Variants in EHMT1 observed in about 807,000 individuals in gnomAD.
EHMT1 encodes histone-lysine N-methyltransferase EHMT1.
Under a neutral mutation model 147.2 loss-of-function variants are expected in EHMT1, and 15 were observed. The ratio of observed to expected loss-of-function variants is 0.10; its 90% CI spans 0.07 to 0.16. The LOEUF (loss-of-function observed/expected upper bound fraction) is 0.16, where lower values mean the gene tolerates loss of function less well. Ranked by LOEUF, EHMT1 falls within the 10% of genes least tolerant of loss-of-function variation. The probability of loss-of-function intolerance (pLI) is 1.00; values close to 1 mark genes in which losing one functional copy is unlikely to be tolerated. For missense variants in EHMT1, 1,587 were observed against 1,772.4 expected, an observed-to-expected ratio of 0.90 and a Z score of 1.88; for synonymous variants, 795 against 709.6, an observed-to-expected ratio of 1.12 and a Z score of -1.91.
At chr9:137,772,819 G>A (rs4979648) in intron 10 of EHMT1, among the ~76,000 whole-genome samples, 51,251 of 152,096 alleles carry the variant, frequency 0.34, 8,958 homozygotes, top group Admixed American at 0.43. Flanking sequence ...GGCCACCCCA[G>A]TGCATCTGTG....
chr9:137,684,182 GC>G (rs1269032906), intron 1 of EHMT1, among the ~76,000 whole-genome samples: 2 of 151,896 alleles, frequency 1.3e-5, no homozygotes, highest in Non-Finnish European at 2.9e-5. Flanking sequence ...ACAGGAGCAT[GC>G]CACCACGCCT....
chr9:137,811,694 G>A lies in EHMT1; in HGVS notation c.2867+79G>A. 3.8e-6 allele frequency: 6 copies of A among 1,583,688 alleles called. No homozygotes were observed. The South Asian group carries it at 6.7e-5, about 18-fold the overall frequency. ...CAGAGAGACCGCTTGACAGTCTTGT[G>A]TTCACACTTGGGGCGTGAGTGGACA... On this transcript the variant is annotated intron_variant, in intron 19 of 26. Coordinates refer to ENST00000460843, the MANE Select transcript of EHMT1 (RefSeq NM_024757.5).
intron 1 of EHMT1, among the ~76,000 whole-genome samples, chr9:137,666,752 A>G (rs1016657101): frequency 1.3e-5 from 2 of 152,116 alleles, no homozygotes; most frequent in African/African-American, 4.8e-5. Flanking sequence ...GGGAGACTCC[A>G]TTTTCCGTGG....
chr9:137,640,194 C>G (rs542375054), intron 1 of EHMT1, among the ~76,000 whole-genome samples: 1 of 152,336 alleles, frequency 6.6e-6, no homozygotes. Context: ...CTCGGCCTCC[C>G]AAAGTGCTGG....
intron 6 of EHMT1, among the ~76,000 whole-genome samples, chr9:137,748,673 T>C (rs1219247124): frequency 6.6e-6 from 1 of 152,250 alleles, no homozygotes; most frequent in Non-Finnish European, 1.5e-5. Context: ...CGTTTTCAGT[T>C]TAATTTGCAT....
intron 1 of EHMT1, among the ~76,000 whole-genome samples, chr9:137,706,285 G>C (rs1020732338): frequency 6.6e-6 from 1 of 152,236 alleles, no homozygotes; most frequent in African/African-American, 2.4e-5. Context: ...TCTGCAGTGC[G>C]GGGTCTGAGT....
chr9:137,744,499 T>C (rs1017488586), intron 6 of EHMT1, among the ~76,000 whole-genome samples: 3 of 150,646 alleles, frequency 2.0e-5, no homozygotes, highest in South Asian at 4.1e-4. Flanking sequence ...TTAAATTTTT[T>C]TGTGGAGACG....
intron 6 of EHMT1, among the ~76,000 whole-genome samples, chr9:137,751,705 C>T (rs1278368561): frequency 1.3e-5 from 2 of 152,168 alleles, no homozygotes; most frequent in Non-Finnish European, 2.9e-5. Flanking sequence ...AATTCCAGAA[C>T]ATATTTTTAA....
At chr9:137,820,307 A>G (rs1464480982) in intron 25 of EHMT1, among the ~76,000 whole-genome samples, 1 of 152,230 alleles carries the variant, frequency 6.6e-6, no homozygotes, top group Non-Finnish European at 1.5e-5. Flanking sequence ...TGCCGTGTGC[A>G]GAGTTGTGAG....
At chr9:137,741,243 T>C (rs561547351) in intron 4 of EHMT1, among the ~76,000 whole-genome samples, 1 of 152,172 alleles carries the variant, frequency 6.6e-6, no homozygotes, top group East Asian at 1.9e-4. Flanking sequence ...CGCAAAGTGC[T>C]GGGATTACAA....
chr9:137,653,992 T>C (rs555307249), intron 1 of EHMT1, among the ~76,000 whole-genome samples: 3 of 152,364 alleles, frequency 2.0e-5, no homozygotes, highest in African/African-American at 7.2e-5. Flanking sequence ...GGGGTCCATC[T>C]TCACGCTTTC....
At chr9:137,762,949 G>T (rs1236650189) in intron 10 of EHMT1, 129 bp downstream of exon 10, 31 of 1,212,896 alleles carry the variant, frequency 2.6e-5, no homozygotes, top group Non-Finnish European at 3.7e-5. Flanking sequence ...AGTGGATTCT[G>T]CGCAGAACCA....
At chr9:137,683,685 ATCAGCG>A in intron 1 of EHMT1, among the ~76,000 whole-genome samples, 1 of 152,300 alleles carries the variant, frequency 6.6e-6, no homozygotes, top group Admixed American at 6.5e-5. Context: ...TTATACCTTT[ATCAGCG>A]TATTTGCACA....
chr9:137,796,167 G>T (rs1952928556), intron 16 of EHMT1, among the ~76,000 whole-genome samples: 1 of 152,238 alleles, frequency 6.6e-6, no homozygotes, highest in Non-Finnish European at 1.5e-5. Flanking sequence ...TGGCAAGCAG[G>T]TGAATCCGAG....
chr9:137,626,448 G>A (rs1410069537), intron 1 of EHMT1, among the ~76,000 whole-genome samples: 1 of 151,284 alleles, frequency 6.6e-6, no homozygotes, highest in Non-Finnish European at 1.5e-5. Flanking sequence ...GCTTGAGTCC[G>A]GGAGGTTGAG....
chr9:137,811,068 A>C (rs1954440520), intron 18 of EHMT1, among the ~76,000 whole-genome samples: 1 of 152,080 alleles, frequency 6.6e-6, no homozygotes, highest in African/African-American at 2.4e-5. Flanking sequence ...ATCCTATCCT[A>C]TGACTATACC....
At chr9:137,742,248 C>A (rs1396970965) in intron 4 of EHMT1, among the ~76,000 whole-genome samples, 3 of 151,756 alleles carry the variant, frequency 2.0e-5, no homozygotes, top group Non-Finnish European at 2.9e-5. Flanking sequence ...CACTCGTTCA[C>A]GTCCCTCCAA....
intron 2 of EHMT1, among the ~76,000 whole-genome samples, chr9:137,714,632 A>C (rs1043316435): frequency 2.0e-5 from 3 of 149,692 alleles, no homozygotes; most frequent in African/African-American, 7.4e-5. Context: ...AGCTCACTGA[A>C]GCCTTGACCT....
At chr9:137,688,797 A>C (rs1257115117) in intron 1 of EHMT1, among the ~76,000 whole-genome samples, 1 of 152,208 alleles carries the variant, frequency 6.6e-6, no homozygotes, top group Non-Finnish European at 1.5e-5. Flanking sequence ...GGTTGGTGTC[A>C]TATCACTGCA....
Sources: gnomAD v4.1 joint callset for allele counts (sites outside exome capture counted in the v4.1 genomes callset) on GRCh38, gnomAD v4.1.1 for gene constraint, MANE v1.5 for transcripts, NCBI Gene and HGNC (gene_info 2026-07-23, HGNC 2026-07-21) for gene names.